LARP1B: variants seen among roughly 807,000 people sequenced by gnomAD.
The protein encoded by LARP1B is La ribonucleoprotein 1B.
Under a neutral mutation model 114.2 loss-of-function variants are expected in LARP1B, and 76 were observed. That is an observed-to-expected ratio of 0.67 (90% CI 0.55 to 0.81). The LOEUF (loss-of-function observed/expected upper bound fraction) is 0.81. Ranked by LOEUF, LARP1B falls within the 30% of genes least tolerant of loss-of-function variation. The probability of loss-of-function intolerance (pLI) is 0.00; values close to 1 mark genes in which losing one functional copy is unlikely to be tolerated. For missense variants in LARP1B, 1,014 were observed against 1,075.8 expected (o/e 0.94, Z 0.80); for synonymous variants, 345 against 348.0 (o/e 0.99, Z 0.10).
intron 11 of LARP1B, among the ~76,000 whole-genome samples, chr4:128,140,605 C>A (rs1727564706): frequency 6.6e-6 from 1 of 152,060 alleles, no homozygotes; most frequent in Non-Finnish European, 1.5e-5. Flanking sequence ...AAAATACTAA[C>A]AGTTGTGTTT....
chr4:128,140,433 A>C (rs1727486421), intron 11 of LARP1B, among the ~76,000 whole-genome samples: 1 of 152,168 alleles, frequency 6.6e-6, no homozygotes, highest in Non-Finnish European at 1.5e-5. Flanking sequence ...ACACAATATG[A>C]CTCCACAAAA....
At chr4:128,137,568 T>C (rs1164897068) in intron 11 of LARP1B, among the ~76,000 whole-genome samples, 2 of 151,970 alleles carry the variant, frequency 1.3e-5, no homozygotes, top group Non-Finnish European at 2.9e-5. Context: ...TTCCATTTGG[T>C]ATTTATTTTT....
At chr4:128,082,935 C>G (rs1376718581) in intron 5 of LARP1B, among the ~76,000 whole-genome samples, 1 of 150,966 alleles carries the variant, frequency 6.6e-6, no homozygotes, top group Non-Finnish European at 1.5e-5. Flanking sequence ...ACAAAGGTCT[C>G]TGGTTTTCCT....
intron 10 of LARP1B, among the ~76,000 whole-genome samples, chr4:128,116,681 G>A (rs1181726238): frequency 6.6e-6 from 1 of 152,070 alleles, no homozygotes; most frequent in Non-Finnish European, 1.5e-5. Flanking sequence ...GGTTCTGGGG[G>A]CCTAGATATT....
downstream of LARP1B, among the ~76,000 whole-genome samples, chr4:128,212,753 T>C (rs1225924817): frequency 6.6e-6 from 1 of 152,124 alleles, no homozygotes; most frequent in East Asian, 1.9e-4. Flanking sequence ...CTCCTAGAAG[T>C]TGGAACTCTA....
At chr4:128,120,199 A>C (rs892372561) in intron 10 of LARP1B, among the ~76,000 whole-genome samples, 1 of 152,118 alleles carries the variant, frequency 6.6e-6, no homozygotes, top group African/African-American at 2.4e-5. Flanking sequence ...CAGAGGAAGC[A>C]CTCAGATAGT....
At chr4:128,065,289 CTTTCTTTCTTTCTTTCTTTCTTTCTT>C (rs1561010954) in intron 1 of LARP1B, among the ~76,000 whole-genome samples, 7 of 136,064 alleles carry the variant, frequency 5.1e-5, no homozygotes, top group East Asian at 2.0e-4. Context: ...TTCTTTCTTT[CTTTCTTTCTTTCTTTCTTTCTTTCTT>C]TCTCTCTCTC....
chr4:128,203,263 A>AAAGGGCTTAACACATTAACTT (rs890504558), intron 17 of LARP1B, among the ~76,000 whole-genome samples: 4 of 152,148 alleles, frequency 2.6e-5, no homozygotes, highest in Non-Finnish European at 5.9e-5. Flanking sequence ...CAAAGCATTT[A>AAAGGGCTTAACACATTAACTT]AAGGGCTTAA....
intron 1 of LARP1B, 154 bp downstream of exon 1, chr4:128,061,555 G>T (rs987676637): frequency 6.7e-6 from 3 of 449,928 alleles, no homozygotes; most frequent in African/African-American, 6.4e-5. Context: ...GGCGGGCGGC[G>T]GCAGCGGCGG....
At chr4:128,135,577 A>G (rs1793104321) in intron 11 of LARP1B, among the ~76,000 whole-genome samples, 1 of 152,196 alleles carries the variant, frequency 6.6e-6, no homozygotes, top group Non-Finnish European at 1.5e-5. Flanking sequence ...ATAACAATGG[A>G]GTATTATTCC....
chr4:128,117,305 G>A (rs2149942412), intron 10 of LARP1B, among the ~76,000 whole-genome samples: 1 of 152,024 alleles, frequency 6.6e-6, no homozygotes, highest in South Asian at 2.1e-4. Flanking sequence ...CACCTCCTGG[G>A]TTCAAGAGAT....
At chr4:128,128,426 C>T (rs72683912) in intron 11 of LARP1B, among the ~76,000 whole-genome samples, 56 of 152,274 alleles carry the variant, frequency 3.7e-4, no homozygotes, top group South Asian at 1.0e-3. Flanking sequence ...GTATTTAGTA[C>T]ACCCAACCTA....
intron 11 of LARP1B, among the ~76,000 whole-genome samples, chr4:128,125,673 G>A (rs957163924): frequency 2.0e-5 from 3 of 152,222 alleles, no homozygotes; most frequent in African/African-American, 7.2e-5. Context: ...TTGAACCCGG[G>A]AGGTGGAGGT....
intron 10 of LARP1B, 61 bp from the exon 11 acceptor site, chr4:128,121,765 T>C: frequency 8.2e-7 from 1 of 1,214,722 alleles, no homozygotes; most frequent in Non-Finnish European, 1.1e-6. Context: ...CACTGTTTTA[T>C]GACATTTAAT....
At chr4:128,168,854 TC>T (rs1742293637) in intron 12 of LARP1B, among the ~76,000 whole-genome samples, 1 of 152,134 alleles carries the variant, frequency 6.6e-6, no homozygotes, top group Non-Finnish European at 1.5e-5. Context: ...TGGTAAGTGT[TC>T]CTTCTTTTGT....
At position 128,081,634 on chromosome 4, in the gene LARP1B, T is replaced by C. The variant is rs142024041; in HGVS notation, c.218-531T>C. On this transcript the variant is annotated intron_variant, in intron 4 of 19. Coordinates refer to ENST00000326639, the MANE Select transcript of LARP1B (RefSeq NM_018078.4). Reference sequence around the variant, plus strand: ...AGGCCAACTATGGGGATTGTACTTTTTACTCTCTTTACAAGGTTTTTTCCT... The same window carrying C: ...AGGCCAACTATGGGGATTGTACTTTCTACTCTCTTTACAAGGTTTTTTCCT... 2.8e-3 allele frequency among the ~76,000 whole-genome samples: 419 copies of C among 152,268 alleles called. 4 individuals are homozygous for C. The highest frequency in any genetic ancestry group is 9.7e-3 in the African/African-American group (403 of 41,556).
At chr4:128,219,237 C>G (rs2150985535) in intron 6 of LARP1B, among the ~76,000 whole-genome samples, 2 of 142,064 alleles carry the variant, frequency 1.4e-5, no homozygotes, top group East Asian at 4.3e-4. Context: ...GTCAGTGTGG[C>G]AATTCCTCAG....
At chr4:128,130,215 G>A (rs1027120818) in intron 11 of LARP1B, among the ~76,000 whole-genome samples, 6 of 152,064 alleles carry the variant, frequency 3.9e-5, no homozygotes, top group South Asian at 2.1e-4. Context: ...AAGGAGAGAA[G>A]CCATTGACTG....
intron 11 of LARP1B, among the ~76,000 whole-genome samples, 183 bp from the exon 12 acceptor site, chr4:128,162,011 G>A (rs1405391283): frequency 1.3e-5 from 2 of 151,998 alleles, no homozygotes; most frequent in East Asian, 3.8e-4. Flanking sequence ...GGTGTTATAT[G>A]CCTCTTAGAT....
Sources: allele counts gnomAD v4.1 joint callset (sites outside exome capture counted in the v4.1 genomes callset), GRCh38; gene constraint gnomAD v4.1.1; transcripts MANE v1.5; gene names NCBI Gene and HGNC (gene_info 2026-07-23, HGNC 2026-07-21).